The following RNF166 variants were observed in gnomAD, a reference collection of about 807,000 sequenced individuals.
The protein encoded by RNF166 is E3 ubiquitin-protein ligase RNF166.
In RNF166, 19 loss-of-function variants were observed where a neutral mutation model predicts 29.4. That is an observed-to-expected ratio of 0.65 (90% CI 0.45 to 0.95). The LOEUF (loss-of-function observed/expected upper bound fraction) is 0.95. Ranked by LOEUF, RNF166 falls within the 40% of genes least tolerant of loss-of-function variation. The pLI, the probability that RNF166 is intolerant of heterozygous loss-of-function variation, is 0.00. For synonymous variants in RNF166, 171 were observed against 134.5 expected, an observed-to-expected ratio of 1.27 and a Z score of -1.88; for missense variants, 347 against 322.1, an observed-to-expected ratio of 1.08 and a Z score of -0.59.
intron 1 of RNF166, chr16:88,703,806 T>C: frequency 3.0e-6 from 3 of 985,444 alleles, no homozygotes; most frequent in Non-Finnish European, 3.6e-6. Flanking sequence ...TCTCCCACAC[T>C]GGCCGCTGCA....
At chr16:88,703,991 T>C (rs1910523968) in intron 1 of RNF166, 1 of 985,354 alleles carries the variant, frequency 1.0e-6, no homozygotes, top group Admixed American at 6.1e-5. Context: ...CAGAGGTGGC[T>C]CACTGCTCAG....
chr16:88,702,855 G>T (rs1033478578), intron 1 of RNF166: 3 of 985,392 alleles, frequency 3.0e-6, no homozygotes, highest in Non-Finnish European at 2.4e-6. Context: ...AGCCGGGGGG[G>T]CCGCCTACTT....
intron 1 of RNF166, among the ~76,000 whole-genome samples, chr16:88,705,702 G>A (rs1280847257): frequency 3.9e-5 from 6 of 152,234 alleles, no homozygotes; most frequent in African/African-American, 1.2e-4. Context: ...AAACTTTAGG[G>A]AACTCCTTTC....
Position 88,699,099 on chromosome 16 carries a change from G to T in RNF166, c.426-14C>A. ...TTGGGGATGTTGCTGGCGGGGCGGGGGTAGAGTGAGTGGCACGGCTAGGTG... is the reference window on the plus strand; with the variant it reads ...TTGGGGATGTTGCTGGCGGGGCGGGTGTAGAGTGAGTGGCACGGCTAGGTG... On this transcript the variant is annotated splice_polypyrimidine_tract_variant and intron_variant, in intron 3 of 5. Coordinates refer to ENST00000312838, the MANE Select transcript of RNF166 (RefSeq NM_178841.4). The T allele has an allele frequency of 1.3e-6, 2 of 1,559,188 alleles. No homozygotes were observed. The highest frequency in any genetic ancestry group is 1.8e-6 in the Non-Finnish European group (2 of 1,139,250).
chr16:88,699,518 G>C, intron 3 of RNF166, 102 bp downstream of exon 3: 1 of 904,350 alleles, frequency 1.1e-6, no homozygotes, highest in South Asian at 1.7e-5. Flanking sequence ...ACCCGGCCCC[G>C]GGTGACTCCC....
In RNF166 at chr16:88,701,242, C is replaced by G. The variant is rs746796076; in HGVS notation, c.312+20G>C. The G allele has an allele frequency of 2.5e-6, 4 of 1,613,200 alleles. No homozygotes were observed. The South Asian group carries it at 4.4e-5, about 18-fold the overall frequency. Reference sequence around the variant, plus strand: ...CCATCAAGTGACCCCGGCTCCAGGGCGGCCCAAGCAGGCGGGTACCTTTTT... The same window carrying G: ...CCATCAAGTGACCCCGGCTCCAGGGGGGCCCAAGCAGGCGGGTACCTTTTT... On this transcript the variant is annotated intron_variant, in intron 2 of 5. Transcript: ENST00000312838.
At chr16:88,701,183 C>A (rs1194425404) in intron 2 of RNF166, 79 bp downstream of exon 2, 3 of 1,560,678 alleles carry the variant, frequency 1.9e-6, no homozygotes, top group African/African-American at 1.4e-5. Context: ...GGCCCCGGCC[C>A]CCACCCTCTG....
At chr16:88,697,893 C>G (rs1014293572) in intron 5 of RNF166, 3 of 493,714 alleles carry the variant, frequency 6.1e-6, no homozygotes, top group African/African-American at 5.9e-5. Context: ...ACTCTAAGCC[C>G]GGGGTTTCCG....
chr16:88,705,221 C>G (rs4643303), intron 1 of RNF166, among the ~76,000 whole-genome samples: 13,197 of 152,266 alleles, frequency 0.087, 638 homozygotes, highest in Middle Eastern at 0.17. Flanking sequence ...GCAGTCCCAG[C>G]TCCCTCTGTA....
chr16:88,699,237 C>T (rs1909958021), intron 3 of RNF166, 152 bp from the exon 4 acceptor site: 2 of 670,940 alleles, frequency 3.0e-6, no homozygotes, highest in Non-Finnish European at 5.3e-6. Flanking sequence ...CTCTGCACGC[C>T]ATGGCCTCCT....
intron 2 of RNF166, 101 bp from the exon 3 acceptor site, chr16:88,699,833 C>G (rs945978445): frequency 2.6e-6 from 2 of 761,370 alleles, no homozygotes; most frequent in Admixed American, 5.4e-5. Flanking sequence ...GAACTGTAAG[C>G]AAGCGTCTGT....
rs761046384 is a variant in RNF166 at position 88,701,334 on chromosome 16, C to A, written c.240G>T (p.Lys80Asn). The A allele has an allele frequency of 6.2e-7, 1 of 1,613,578 alleles. No homozygotes were observed. Among genetic ancestry groups the A allele is most frequent in the Non-Finnish European group, 8.5e-7 (1 of 1,179,918 alleles). The stretch of plus-strand genomic sequence containing the variant: ...TCTCCACGTGGGTGGCCTTGTCCAC[C>A]TTCTTGGGGTCGAAGGGCAGGCGGC... ...PLCRLPFDPK[K>N]VDKATHVEKQ... is the part of the protein sequence containing the mutation. Residue 80 changes from lysine to asparagine, a missense_variant, in exon 2 of 6, where the codon AAG becomes AAT. Transcript: ENST00000312838.
Position 88,698,538 on chromosome 16 carries a change from C to G in RNF166, c.612G>C (p.Leu204=), listed in dbSNP as rs147842542. ...CGTAGGAGAACTTGTGTCGGTGAAG[C>G]AGGTGCTGCAGGAAGTTGGCGCTCT... ...SYKSANFLQH[L]LHRHKFSYDT... is the part of the protein sequence containing the mutation. The change falls in exon 5 of 6, where the codon CTG becomes CTC. Residue 204 remains leucine, a synonymous_variant. Coordinates refer to ENST00000312838, the MANE Select transcript of RNF166 (RefSeq NM_178841.4). 9.3e-5 allele frequency: 147 copies of G among 1,574,088 alleles called. No individual in the cohort carries two copies. Among genetic ancestry groups the G allele is most frequent in the Non-Finnish European group, 1.2e-4 (135 of 1,159,526 alleles).
chr16:88,698,348 C>A (rs1363497987), intron 5 of RNF166, 154 bp downstream of exon 5: 1 of 733,976 alleles, frequency 1.4e-6, no homozygotes, highest in Non-Finnish European at 2.5e-6. Flanking sequence ...GCAGGCAGCC[C>A]CCACAGAACC....
intron 1 of RNF166, among the ~76,000 whole-genome samples, chr16:88,705,348 C>A (rs538556900): frequency 2.0e-5 from 3 of 152,372 alleles, no homozygotes; most frequent in Non-Finnish European, 2.9e-5. Flanking sequence ...TGCGGGGAAG[C>A]CCTCCTGCTC....
intron 1 of RNF166, chr16:88,704,343 T>A: frequency 2.0e-6 from 2 of 985,396 alleles, no homozygotes; most frequent in Non-Finnish European, 2.4e-6. Context: ...GCAAAGGCTG[T>A]GTGAAAAGCT....
chr16:88,699,529 C>T (rs1909990709), intron 3 of RNF166, 91 bp downstream of exon 3: 1 of 1,040,024 alleles, frequency 9.6e-7, no homozygotes, highest in Non-Finnish European at 1.4e-6. Context: ...GGTGACTCCC[C>T]CAGCCTCTCT....
intron 4 of RNF166, 78 bp downstream of exon 4, chr16:88,698,893 G>C: frequency 1.7e-6 from 2 of 1,185,446 alleles, no homozygotes; most frequent in Non-Finnish European, 2.4e-6. Flanking sequence ...GACTCGCCGC[G>C]AGCAGGCTCC....
rs569959725 is a variant in RNF166, at chr16:88,696,604, C to T, written c.*964G>A. The T allele has an allele frequency of 2.4e-5, 11 of 454,424 alleles. No individual in the cohort carries two copies. In the East Asian group the frequency reaches 3.5e-4, roughly 14 times the overall value. 28.1% of individuals were successfully genotyped at this position (454,424 alleles called of 1,614,324 possible). ...TTGACGTGTTGCCCGGCCCGCCAAG[C>T]GGGCCCCTGCCCAGGCCCCCAAGCT... On this transcript the variant is annotated 3_prime_UTR_variant, in exon 6 of 6. Transcript: ENST00000312838.
Sources: gnomAD v4.1 joint callset for allele counts (sites outside exome capture counted in the v4.1 genomes callset) on GRCh38, gnomAD v4.1.1 for gene constraint, MANE v1.5 for transcripts, NCBI Gene and HGNC (gene_info 2026-07-23, HGNC 2026-07-21) for gene names.